LUZP2: variants seen among roughly 807,000 people sequenced by gnomAD.
LUZP2 encodes leucine zipper protein 2.
In LUZP2, 52 loss-of-function variants were observed where a neutral mutation model predicts 51.6. The ratio of observed to expected loss-of-function variants is 1.01; its 90% CI spans 0.81 to 1.27. The LOEUF (loss-of-function observed/expected upper bound fraction) is 1.27. Ranked by LOEUF, LUZP2 falls within the 50% of genes most tolerant of loss-of-function variation. The pLI is 0.00. For synonymous variants in LUZP2, 154 were observed against 137.3 expected (o/e 1.12, Z -0.85); for missense variants, 436 against 395.4 (o/e 1.10, Z -0.87).
chr11:24,574,267 T>TCTTTCTTG (rs1554957549), intron 1 of LUZP2, among the ~76,000 whole-genome samples: 4 of 130,880 alleles, frequency 3.1e-5, no homozygotes, highest in African/African-American at 5.9e-5. Context: ...TTTCTTGCTT[T>TCTTTCTTG]CTTTCTTTCT....
chr11:24,535,590 T>C (rs1851152294), intron 1 of LUZP2, among the ~76,000 whole-genome samples: 1 of 151,654 alleles, frequency 6.6e-6, no homozygotes, highest in Admixed American at 6.6e-5. Context: ...AATTTTATCA[T>C]AAAGGTGCAA....
chr11:24,867,842 T>C (rs1287222482), intron 5 of LUZP2, among the ~76,000 whole-genome samples: 1 of 152,182 alleles, frequency 6.6e-6, no homozygotes, highest in African/African-American at 2.4e-5. Context: ...ACTTAAGAGT[T>C]CTTTTTAAAA....
rs1373492759 is a variant in LUZP2 at position 25,044,176 on chromosome 11, T to TAC, written c.766-5852_766-5851dup. ...ACTATAGATATAGTGTCTCTATATA[T>TAC]ACACACACACATATATATGCATATA... On this transcript the variant is annotated intron_variant, in intron 9 of 11. Coordinates refer to ENST00000336930, the MANE Select transcript of LUZP2 (RefSeq NM_001009909.4). Among the ~76,000 whole-genome samples the TAC allele has an allele frequency of 1.2e-4, 5 of 41,010 alleles. 1 individual carries two copies. The highest frequency in any genetic ancestry group is 3.0e-4 in the African/African-American group (5 of 16,572). The allele number at this position is 41,010 out of a possible 152,430, so 26.9% of individuals were successfully genotyped here.
intron 9 of LUZP2, 72 bp downstream of exon 9, chr11:24,983,365 A>G: frequency 7.0e-7 from 1 of 1,431,302 alleles, no homozygotes; most frequent in South Asian, 1.3e-5. Context: ...CAGTATATAT[A>G]ATCACCAGAG....
chr11:24,566,064 C>A (rs942741113), intron 1 of LUZP2, among the ~76,000 whole-genome samples: 1 of 151,444 alleles, frequency 6.6e-6, no homozygotes, highest in African/African-American at 2.4e-5. Context: ...AAAAAAATTA[C>A]AAGGCATGTA....
At chr11:24,561,828 A>AATAATAATAATGATG (rs148194595) in intron 1 of LUZP2, among the ~76,000 whole-genome samples, 15 of 151,168 alleles carry the variant, frequency 9.9e-5, no homozygotes, top group South Asian at 8.4e-4. Flanking sequence ...TAATAATAAT[A>AATAATAATAATGATG]ATGATAATAA....
rs1850153318 is a variant in LUZP2 at position 24,815,469 on chromosome 11, T to C, written c.396+52161T>C. ...TGTTTTGATACCTAATACTCGTCTT[T>C]AGTGAGGAATTTTAGGAAGTTACCA... On this transcript the variant is annotated intron_variant, in intron 5 of 11. Coordinates refer to ENST00000336930, the MANE Select transcript of LUZP2 (RefSeq NM_001009909.4). Among the ~76,000 whole-genome samples the C allele has an allele frequency of 3.3e-5, 5 of 152,322 alleles. No homozygotes were observed. The South Asian group carries it at 6.2e-4, about 19-fold the overall frequency.
intron 9 of LUZP2, among the ~76,000 whole-genome samples, chr11:24,994,810 A>G (rs1340949893): frequency 6.6e-6 from 1 of 152,186 alleles, no homozygotes; most frequent in Non-Finnish European, 1.5e-5. Flanking sequence ...TGTATAAAAT[A>G]CAATTCTTAC....
chr11:25,003,525 C>T (rs932195454), intron 9 of LUZP2, among the ~76,000 whole-genome samples: 11 of 152,216 alleles, frequency 7.2e-5, no homozygotes, highest in Admixed American at 5.9e-4. Context: ...CACTAGTCTC[C>T]ACTGACCATT....
At chr11:24,762,633 C>A (rs539904227) in intron 4 of LUZP2, among the ~76,000 whole-genome samples, 101 of 152,182 alleles carry the variant, frequency 6.6e-4, no homozygotes, top group African/African-American at 2.2e-3. Flanking sequence ...ATTATAAATT[C>A]TATAAAAAGT....
intron 9 of LUZP2, among the ~76,000 whole-genome samples, chr11:25,044,356 A>G (rs1261796551): frequency 6.7e-6 from 1 of 149,342 alleles, no homozygotes; most frequent in Non-Finnish European, 1.5e-5. Flanking sequence ...TCACTCCAAT[A>G]TACATCATCT....
intron 1 of LUZP2, among the ~76,000 whole-genome samples, chr11:24,653,692 G>A (rs909834811): frequency 6.6e-6 from 1 of 152,134 alleles, no homozygotes; most frequent in Non-Finnish European, 1.5e-5. Flanking sequence ...TGGGGTTGAG[G>A]ATGTGAGAAG....
At chr11:25,048,159 A>T (rs1187272068) in intron 9 of LUZP2, among the ~76,000 whole-genome samples, 1 of 152,002 alleles carries the variant, frequency 6.6e-6, no homozygotes, top group Non-Finnish European at 1.5e-5. Context: ...CAATTTTGGG[A>T]TCTCCTCTCT....
At chr11:24,742,313 C>T (rs1859212267) in intron 4 of LUZP2, among the ~76,000 whole-genome samples, 1 of 151,664 alleles carries the variant, frequency 6.6e-6, no homozygotes, top group African/African-American at 2.4e-5. Context: ...CTTACATTCC[C>T]ACCAGCAGTG....
chr11:24,841,159 G>GT (rs1420427298), intron 5 of LUZP2, among the ~76,000 whole-genome samples: 1 of 151,898 alleles, frequency 6.6e-6, no homozygotes, highest in Non-Finnish European at 1.5e-5. Flanking sequence ...CCTTTGGGAG[G>GT]TAGTTAGGTC....
At chr11:24,656,249 A>G (rs1222209884) in intron 1 of LUZP2, among the ~76,000 whole-genome samples, 3 of 152,206 alleles carry the variant, frequency 2.0e-5, no homozygotes, top group Admixed American at 6.5e-5. Flanking sequence ...TGTCAAAACA[A>G]GTATCTCCAT....
chr11:24,789,501 T>C (rs914496922), intron 5 of LUZP2, among the ~76,000 whole-genome samples: 1 of 152,244 alleles, frequency 6.6e-6, no homozygotes, highest in African/African-American at 2.4e-5. Context: ...TTGCTTCATC[T>C]GTTTCCTGAT....
chr11:24,938,311 T>G, intron 7 of LUZP2, among the ~76,000 whole-genome samples: 1 of 152,206 alleles, frequency 6.6e-6, no homozygotes, highest in Non-Finnish European at 1.5e-5. Flanking sequence ...ATGATTTTTT[T>G]AGCACAATTG....
intron 1 of LUZP2, among the ~76,000 whole-genome samples, chr11:24,694,483 A>G (rs891062111): frequency 5.9e-5 from 9 of 152,094 alleles, no homozygotes; most frequent in African/African-American, 2.2e-4. Flanking sequence ...TACTTATAGA[A>G]TTAATAGAAG....
Sources: gnomAD v4.1 joint callset for allele counts (sites outside exome capture counted in the v4.1 genomes callset) on GRCh38, gnomAD v4.1.1 for gene constraint, MANE v1.5 for transcripts, NCBI Gene and HGNC (gene_info 2026-07-23, HGNC 2026-07-21) for gene names.